MTRFR: variants seen among roughly 807,000 people sequenced by gnomAD.
MTRFR encodes mitochondrial translation release factor in rescue, also known as probable peptide chain release factor C12orf65, mitochondrial.
A neutral mutation model predicts 11.9 loss-of-function variants in MTRFR; 10 were observed. That is an observed-to-expected ratio of 0.84 (90% confidence interval 0.52 to 1.42). The LOEUF (loss-of-function observed/expected upper bound fraction) is 1.42, where lower values mean the gene tolerates loss of function less well. MTRFR is among the 40% of genes most tolerant of loss of function. MTRFR has a pLI of 0.00. For synonymous variants in MTRFR, 77 were observed against 79.1 expected (o/e 0.97, Z 0.14); for missense variants, 196 against 197.9 (o/e 0.99, Z 0.06).
chr12:123,244,119 A>G (rs1432844430), intron 1 of MTRFR: 1 of 152,102 alleles, frequency 6.6e-6, no homozygotes, highest in Non-Finnish European at 1.5e-5. Context: ...AGAGCCTCAT[A>G]TGAGGCAGTT....
chr12:123,253,633 T>G lies in MTRFR; in HGVS notation c.-28-14T>G. On this transcript the variant is annotated splice_polypyrimidine_tract_variant and intron_variant, in intron 1 of 2. Coordinates refer to ENST00000253233, the MANE Select transcript of MTRFR (RefSeq NM_152269.5). Reference sequence around the variant, plus strand: ...TGCCTCTTACTGAAAGCTCTCCTTATTCATCTAACCCAGGTCCTCAGCCAG... The same window carrying G: ...TGCCTCTTACTGAAAGCTCTCCTTAGTCATCTAACCCAGGTCCTCAGCCAG... 6.2e-7 allele frequency: 1 copy of G among 1,613,470 alleles called. No homozygotes were observed. The highest frequency in any genetic ancestry group is 8.5e-7 in the Non-Finnish European group (1 of 1,179,692).
At chr12:123,253,202 C>G (rs572006448) in intron 1 of MTRFR, among the ~76,000 whole-genome samples, 5 of 148,178 alleles carry the variant, frequency 3.4e-5, no homozygotes, top group African/African-American at 1.2e-4. Flanking sequence ...CCACCAAGCC[C>G]GGCTAATTTT....
chr12:123,236,664 G>A (rs982116122), intron 1 of MTRFR, among the ~76,000 whole-genome samples: 4 of 152,000 alleles, frequency 2.6e-5, no homozygotes, highest in African/African-American at 7.2e-5. Flanking sequence ...ACAAGGCATC[G>A]TTAATAGAAA....
chr12:123,236,189 T>G (rs1001345851), intron 1 of MTRFR, among the ~76,000 whole-genome samples: 3 of 152,204 alleles, frequency 2.0e-5, no homozygotes, highest in African/African-American at 7.2e-5. Context: ...AAGGATAATT[T>G]AGTTTCAAAA....
intron 2 of MTRFR, among the ~76,000 whole-genome samples, chr12:123,255,805 T>C (rs2048176844): frequency 6.6e-6 from 1 of 152,172 alleles, no homozygotes; most frequent in Non-Finnish European, 1.5e-5. Flanking sequence ...TTTTGTATTT[T>C]TACTAGAGAC....
At chr12:123,252,817 C>A (rs187832709) in intron 1 of MTRFR, among the ~76,000 whole-genome samples, 6 of 151,980 alleles carry the variant, frequency 3.9e-5, no homozygotes, top group Non-Finnish European at 8.8e-5. Context: ...CCCAGCTACT[C>A]AGGAGGCTGA....
rs549716065 is a variant in MTRFR at position 123,247,499 on chromosome 12, A to G, written c.-28-6148A>G. On this transcript the variant is annotated intron_variant, in intron 1 of 2. Transcript: ENST00000253233. ...TTGTTTATGGTGTCATTTGCATGAC[A>G]TGCCTTTTTCCACCCCTTTAAGTTT... Among the ~76,000 whole-genome samples, 16 of 152,332 alleles carry G rather than the reference A, an allele frequency of 1.1e-4. No homozygotes were observed. The South Asian group carries it at 2.5e-3, about 24-fold the overall frequency.
At position 123,256,948 on chromosome 12, in the gene MTRFR, GAAAGGAAAAAAAGAGC is replaced by G. The variant is rs1439433665; in HGVS notation, c.427_442del (p.Lys143ProfsTer28). On this transcript the variant is annotated frameshift_variant, in exon 3 of 3. Coordinates refer to ENST00000253233, the MANE Select transcript of MTRFR (RefSeq NM_152269.5). LOFTEE classifies it high-confidence loss of function. ...ACGAGAAGCGGCGAAGAAAAAACAA[GAAAGGAAAAAAAGAGC>G]AAAGGAAACCCTGGAAAAAAAGAAG... is the stretch of plus-strand genomic sequence containing the variant. The G allele has an allele frequency of 1.2e-6, 2 of 1,613,078 alleles. No individual in the cohort carries two copies. The highest frequency in any genetic ancestry group is 1.7e-6 in the Non-Finnish European group (2 of 1,179,824).
At chr12:123,244,342 G>A (rs531866879) in intron 1 of MTRFR, among the ~76,000 whole-genome samples, 39 of 152,226 alleles carry the variant, frequency 2.6e-4, no homozygotes, top group African/African-American at 8.9e-4. Flanking sequence ...CGAGGCAGGA[G>A]AATCACTTGA....
chr12:123,249,210 A>G (rs1287476693), intron 1 of MTRFR: 1 of 152,284 alleles, frequency 6.6e-6, no homozygotes. Context: ...TTAGCTAGAC[A>G]TAAAAGTTCT....
intron 1 of MTRFR, among the ~76,000 whole-genome samples, chr12:123,247,105 A>G (rs1387178076): frequency 6.6e-6 from 1 of 152,040 alleles, no homozygotes; most frequent in Non-Finnish European, 1.5e-5. Context: ...AGTTCCATGT[A>G]CTGTTGAATA....
At chr12:123,239,692 G>A (rs1211244074) in intron 1 of MTRFR, among the ~76,000 whole-genome samples, 1 of 152,122 alleles carries the variant, frequency 6.6e-6, no homozygotes, top group East Asian at 1.9e-4. Flanking sequence ...GTGAGCTACC[G>A]CGCCCAGCCC....
chr12:123,237,040 G>T (rs2063778356), intron 1 of MTRFR, among the ~76,000 whole-genome samples: 1 of 151,532 alleles, frequency 6.6e-6, no homozygotes. Context: ...AGCTGAGATT[G>T]CGCCACTGCA....
rs751310720 is a variant in MTRFR, at chr12:123,253,708, C to T, written c.34C>T (p.Pro12Ser). ...CGTGGGTTTATTTCATTTTCCTACACCACTGACCCGAATATGCCCGGCGCC... is the reference window on the plus strand; with the variant it reads ...CGTGGGTTTATTTCATTTTCCTACATCACTGACCCGAATATGCCCGGCGCC... ...STVGLFHFPT[P>S]LTRICPAPWG... Residue 12 changes from proline (P) to serine (S), a missense_variant, in exon 2 of 3, where the codon CCA (proline) becomes TCA (serine). By Grantham distance (74) the Pro-to-Ser change is moderately conservative. Coordinates refer to ENST00000253233, the MANE Select transcript of MTRFR (RefSeq NM_152269.5). 24 of 1,614,182 alleles carry T rather than the reference C, an allele frequency of 1.5e-5. 1 individual carries two copies. The South Asian group carries it at 2.0e-4, about 13-fold the overall frequency.
chr12:123,246,787 G>C (rs2048048921), intron 1 of MTRFR, among the ~76,000 whole-genome samples: 1 of 132,496 alleles, frequency 7.5e-6, no homozygotes, highest in Non-Finnish European at 1.5e-5. Flanking sequence ...CTGGAGTGCA[G>C]TGGAGCAATC....
rs1301365971 is a variant in MTRFR at position 123,253,959 on chromosome 12, A to G, written c.282+3A>G. 2.5e-6 allele frequency: 4 copies of G among 1,613,960 alleles called. No individual in the cohort carries two copies. The African/African-American group carries it at 5.3e-5, about 22-fold the overall frequency. ...TCCCCTCAGGCATCGTTGTAAAGGT[A>G]GATCACAGAAGGCCGCTGAGGGGAG... On this transcript the variant is annotated splice_donor_region_variant and intron_variant, in intron 2 of 2. Transcript: ENST00000253233.
In MTRFR at chr12:123,233,479, GTGA is replaced by G. The variant is rs2047762446; in HGVS notation, c.-79_-77del. On this transcript the variant is annotated 5_prime_UTR_variant, in exon 1 of 3. Coordinates refer to ENST00000253233, the MANE Select transcript of MTRFR (RefSeq NM_152269.5). ...TCGCGATTGCGAATCCTCCGCTGAG[GTGA>G]TTTGGATATCCCTAGAACGTTGAGG... 1 of 152,304 alleles carries G rather than the reference GTGA, an allele frequency of 6.6e-6. No individual in the cohort carries two copies. The highest frequency in any genetic ancestry group is 1.5e-5 in the Non-Finnish European group (1 of 68,076). The allele number at this position is 152,304 out of a possible 1,614,324, so 9.4% of individuals were successfully genotyped here.
chr12:123,252,743 G>A (rs1227577171), intron 1 of MTRFR, among the ~76,000 whole-genome samples: 9 of 152,040 alleles, frequency 5.9e-5, no homozygotes, highest in Admixed American at 5.9e-4. Context: ...TGGCCAACAT[G>A]GTGAATCCCC....
intron 2 of MTRFR, among the ~76,000 whole-genome samples, chr12:123,256,492 T>C (rs2048183430): frequency 6.6e-6 from 1 of 152,116 alleles, no homozygotes. Flanking sequence ...GAACAGGTTG[T>C]CCTGACCAGC....
Sources: allele counts gnomAD v4.1 joint callset (sites outside exome capture counted in the v4.1 genomes callset), GRCh38; gene constraint gnomAD v4.1.1; transcripts MANE v1.5; gene names NCBI Gene and HGNC (gene_info 2026-07-23, HGNC 2026-07-21).